SV2B: variants seen among roughly 807,000 people sequenced by gnomAD.
SV2B encodes the protein synaptic vesicle glycoprotein 2B, also known as solute carrier family 22 member B2.
Under a neutral mutation model 73.9 loss-of-function variants are expected in SV2B, and 41 were observed. The observed-to-expected ratio is 0.56, with a 90% CI of 0.43 to 0.72. SV2B has a LOEUF of 0.72. Among genes scored for constraint, SV2B ranks in the 30% least tolerant of loss-of-function variants. SV2B has a pLI of 0.00. For missense variants in SV2B, 764 were observed against 857.8 expected, an observed-to-expected ratio of 0.89 and a Z score of 1.37; for synonymous variants, 314 against 314.2, an observed-to-expected ratio of 1.00 and a Z score of 0.01.
chr15:91,163,121 C>G (rs1596500902), intron 1 of SV2B, among the ~76,000 whole-genome samples: 1 of 152,202 alleles, frequency 6.6e-6, no homozygotes, highest in African/African-American at 2.4e-5. Flanking sequence ...GCATAGTATT[C>G]CATGGTGTAT....
chr15:91,184,981 T>C (rs2044716114), intron 1 of SV2B, among the ~76,000 whole-genome samples: 2 of 152,376 alleles, frequency 1.3e-5, no homozygotes, highest in South Asian at 4.1e-4. Context: ...CTTTCATTTT[T>C]AAAGAGGCAC....
chr15:91,287,990 C>A (rs1283311999), intron 11 of SV2B, among the ~76,000 whole-genome samples: 1 of 152,130 alleles, frequency 6.6e-6, no homozygotes, highest in Non-Finnish European at 1.5e-5. Flanking sequence ...AGGCCTTCTA[C>A]CCCCGGGGAG....
At position 91,289,806 on chromosome 15, in the gene SV2B, A is replaced by T; in HGVS notation, c.1868+126A>T. 1 of 1,110,658 alleles carries T rather than the reference A, an allele frequency of 9.0e-7. No individual in the cohort carries two copies. The highest frequency in any genetic ancestry group is 1.3e-6 in the Non-Finnish European group (1 of 793,500). The allele number at this position is 1,110,658 out of a possible 1,614,324, so 68.8% of individuals were successfully genotyped here. ...CTTTCTGCTGTTCCGTGAAACAAAC[A>T]TCTTTTATGTTGAGCTTCTCCTGCA... On this transcript the variant is annotated intron_variant, in intron 12 of 12. Coordinates refer to ENST00000394232, the MANE Select transcript of SV2B (RefSeq NM_001323032.3). This position sits in a 1 kb window ranked among gnomAD's most constrained non-coding sequence, Gnocchi z 4.9.
chr15:91,152,071 C>CTTTTTTTTTT (rs59094531), intron 1 of SV2B, among the ~76,000 whole-genome samples: 8 of 137,286 alleles, frequency 5.8e-5, no homozygotes, highest in African/African-American at 2.0e-4. Context: ...AATTTTTACT[C>CTTTTTTTTTT]TTTTTTTTTT....
chr15:91,238,155 C>G lies in SV2B; in HGVS notation c.451+11441C>G, dbSNP rs191255195. On this transcript the variant is annotated intron_variant, in intron 2 of 12. Transcript: ENST00000394232. ...CTGATACGAATAAATCAGTTGTTTC[C>G]CACTGTCTTATATAACCTGTTCCTT... Among the ~76,000 whole-genome samples, 6 of 152,278 alleles carry G rather than the reference C, an allele frequency of 3.9e-5. No homozygotes were observed. The East Asian group carries it at 1.2e-3, about 29-fold the overall frequency.
At chr15:91,198,455 A>ATGTGTGTGTGTGTG (rs5814467) in intron 1 of SV2B, among the ~76,000 whole-genome samples, 46 of 136,846 alleles carry the variant, frequency 3.4e-4, no homozygotes, top group African/African-American at 9.5e-4. Context: ...AAGCACGTGT[A>ATGTGTGTGTGTGTG]TGTGTGTGTG....
chr15:91,110,085 C>T lies in SV2B; in HGVS notation c.-392+9722C>T, dbSNP rs929686607. Among the ~76,000 whole-genome samples, 1 of 152,154 alleles carries T rather than the reference C, an allele frequency of 6.6e-6. No individual in the cohort carries two copies. The highest frequency in any genetic ancestry group is 2.1e-4 in the South Asian group (1 of 4,820). The stretch of plus-strand genomic sequence containing the variant: ...CCGTCATTACTCACATTACAAATCA[C>T]GCTCACTCAGGAGTAATGATGGACA... On this transcript the variant is annotated intron_variant, in intron 1 of 12. Coordinates refer to ENST00000394232, the MANE Select transcript of SV2B (RefSeq NM_001323032.3). This position sits in a 1 kb window ranked among gnomAD's most constrained non-coding sequence, Gnocchi z 5.4.
Position 91,234,912 on chromosome 15 carries a change from C to T in SV2B, c.451+8198C>T, listed in dbSNP as rs376881097. Among the ~76,000 whole-genome samples the T allele has an allele frequency of 2.0e-5, 3 of 152,196 alleles. No homozygotes were observed. The highest frequency in any genetic ancestry group is 1.9e-4 in the East Asian group (1 of 5,206). ...GACACTAATTCCAAGAGACTGAAAA[C>T]GTCACTGTGGCCCATCAGTCAGAGT... On this transcript the variant is annotated intron_variant, in intron 2 of 12. Coordinates refer to ENST00000394232, the MANE Select transcript of SV2B (RefSeq NM_001323032.3). This position sits in a 1 kb window ranked among gnomAD's most constrained non-coding sequence, Gnocchi z 5.6.
rs77975476 is a variant in SV2B at position 91,270,597 on chromosome 15, G to A, written c.1373+1992G>A. On this transcript the variant is annotated intron_variant, in intron 9 of 12. Transcript: ENST00000394232. ...CTTTCTGCATTAAAGTCAATACAAC[G>A]CAGAGTCCTTGTGATTTGTAACAAG... 5.1e-3 allele frequency among the ~76,000 whole-genome samples: 770 copies of A among 152,280 alleles called. 6 individuals carry two copies. Among genetic ancestry groups the A allele is most frequent in the African/African-American group, 0.017 (690 of 41,556 alleles).
In SV2B at chr15:91,229,266, G is replaced by T. The variant is rs1357098128; in HGVS notation, c.451+2552G>T. ...GACTGGGTACGTCCTACATGTCATC[G>T]ATCTGCTAGTGACCTTGGGCAAGTT... On this transcript the variant is annotated intron_variant, in intron 2 of 12. Transcript: ENST00000394232. This position sits in a 1 kb window ranked among gnomAD's most constrained non-coding sequence, Gnocchi z 4.3. 6.6e-6 allele frequency among the ~76,000 whole-genome samples: 1 copy of T among 151,954 alleles called. No individual in the cohort carries two copies. The highest frequency in any genetic ancestry group is 1.5e-5 in the Non-Finnish European group (1 of 67,984).
intron 2 of SV2B, among the ~76,000 whole-genome samples, chr15:91,246,981 T>G (rs2047261291): frequency 6.6e-6 from 1 of 152,218 alleles, no homozygotes; most frequent in South Asian, 2.1e-4. Flanking sequence ...TTTAAATTTC[T>G]TTTGCTAAAG....
intron 11 of SV2B, among the ~76,000 whole-genome samples, chr15:91,287,657 T>C (rs2048905855): frequency 6.6e-6 from 1 of 152,184 alleles, no homozygotes; most frequent in African/African-American, 2.4e-5. Flanking sequence ...GCTGGACTTC[T>C]CCGCCCTGCT....
intron 1 of SV2B, among the ~76,000 whole-genome samples, chr15:91,109,819 T>A (rs905665123): frequency 8.5e-5 from 13 of 152,158 alleles, no homozygotes; most frequent in African/African-American, 3.1e-4. Flanking sequence ...CACTGCAACC[T>A]CTGCCTCTTG....
upstream of SV2B, among the ~76,000 whole-genome samples, chr15:91,099,751 A>T (rs188347774): frequency 2.6e-4 from 40 of 152,236 alleles, 1 homozygote; most frequent in South Asian, 3.5e-3. Flanking sequence ...CAGCACCATG[A>T]TCGACGATAC....
intron 6 of SV2B, among the ~76,000 whole-genome samples, chr15:91,264,112 CGTCTTACTCTAGG>C (rs899902079): frequency 4.6e-5 from 7 of 152,256 alleles, no homozygotes; most frequent in Non-Finnish European, 5.9e-5. Context: ...TCCCCACTTG[CGTCTTACTCTAGG>C]GTGTCTCGTA....
At chr15:91,269,315 A>C (rs62026605) in intron 9 of SV2B, among the ~76,000 whole-genome samples, 13,279 of 152,180 alleles carry the variant, frequency 0.087, 653 homozygotes, top group Non-Finnish European at 0.12. Flanking sequence ...ACGCTTACCC[A>C]AGCCCACATT....
At position 91,280,207 on chromosome 15, in the gene SV2B, A is replaced by G. The variant is rs2239990; in HGVS notation, c.1374-1521A>G. On this transcript the variant is annotated intron_variant, in intron 9 of 12. Coordinates refer to ENST00000394232, the MANE Select transcript of SV2B (RefSeq NM_001323032.3). The surrounding 1 kb of genome is among the most constrained non-coding windows in gnomAD (Gnocchi z 5.8). ...AGAAGCTAATGATTGGCAGCTCTAGATTAAGGTTCTGAGCAGGACATGATA... is the reference window on the plus strand; with the variant it reads ...AGAAGCTAATGATTGGCAGCTCTAGGTTAAGGTTCTGAGCAGGACATGATA... Among the ~76,000 whole-genome samples, 53,926 of 152,040 alleles carry G rather than the reference A, an allele frequency of 0.35. 11,898 individuals carry two copies. Among genetic ancestry groups the G allele is most frequent in the African/African-American group, 0.63 (26,166 of 41,450 alleles).
intron 1 of SV2B, among the ~76,000 whole-genome samples, chr15:91,206,252 G>A (rs1181314154): frequency 1.4e-5 from 2 of 144,552 alleles, no homozygotes; most frequent in East Asian, 4.1e-4. Context: ...GTGTAGCCCA[G>A]GCTGTTCTTG....
At chr15:91,119,556 T>G (rs757480600) in intron 1 of SV2B, among the ~76,000 whole-genome samples, 1 of 152,256 alleles carries the variant, frequency 6.6e-6, no homozygotes, top group South Asian at 2.1e-4. Context: ...GGTGGCTGGT[T>G]TCCTTATGCC....
Sources: gnomAD v4.1 joint callset for allele counts (sites outside exome capture counted in the v4.1 genomes callset) on GRCh38, gnomAD v4.1.1 for gene constraint, Gnocchi (gnomAD v3.1) non-coding constraint, MANE v1.5 for transcripts, NCBI Gene and HGNC (gene_info 2026-07-23, HGNC 2026-07-21) for gene names.